The following EHMT1 variants were observed in gnomAD, a reference collection of about 807,000 sequenced individuals.
EHMT1 encodes euchromatic histone lysine methyltransferase 1, also known as histone-lysine N-methyltransferase EHMT1.
A neutral mutation model predicts 147.2 loss-of-function variants in EHMT1; 15 were observed. The ratio of observed to expected loss-of-function variants is 0.10; its 90% confidence interval spans 0.07 to 0.16. EHMT1 has a LOEUF of 0.16. Among genes scored for constraint, EHMT1 ranks in the 10% least tolerant of loss-of-function variants. The probability of loss-of-function intolerance (pLI) is 1.00; values close to 1 mark genes in which losing one functional copy is unlikely to be tolerated. For missense variants in EHMT1, 1,587 were observed against 1,772.4 expected (o/e 0.90, Z 1.88); for synonymous variants, 795 against 709.6 (o/e 1.12, Z -1.91).
At chr9:137,668,470 CACCA>C (rs1487070341) in intron 1 of EHMT1, among the ~76,000 whole-genome samples, 4 of 152,178 alleles carry the variant, frequency 2.6e-5, no homozygotes, top group Admixed American at 6.5e-5. Context: ...TCCATCTATT[CACCA>C]ACCATCACAT....
chr9:137,644,246 G>A (rs1285879433), intron 1 of EHMT1, among the ~76,000 whole-genome samples: 1 of 152,180 alleles, frequency 6.6e-6, no homozygotes, highest in Non-Finnish European at 1.5e-5. Flanking sequence ...GTAAACAAGT[G>A]GGGGTGGTTG....
chr9:137,648,758 G>A (rs889674646), intron 1 of EHMT1, among the ~76,000 whole-genome samples: 3 of 152,274 alleles, frequency 2.0e-5, no homozygotes, highest in East Asian at 3.9e-4. Flanking sequence ...ATGCCAACAA[G>A]GAATCATTCT....
intron 6 of EHMT1, among the ~76,000 whole-genome samples, chr9:137,749,333 C>A (rs962183528): frequency 5.3e-5 from 8 of 152,096 alleles, no homozygotes; most frequent in Admixed American, 3.9e-4. Flanking sequence ...AGTGCAGTGG[C>A]AAATCATAGT....
At position 137,828,771 on chromosome 9, in the gene EHMT1, A is replaced by C. The variant is rs1955995394; in HGVS notation, c.3541-5578A>C. Among the ~76,000 whole-genome samples the C allele has an allele frequency of 1.3e-5, 2 of 152,162 alleles. No individual in the cohort carries two copies. The highest frequency in any genetic ancestry group is 4.1e-4 in the South Asian group (2 of 4,832). ...CCACAAAAATGAGAAGACCAGGAATAGCAAGTCCCCAGCCCTGGGGCCTCA... is the reference window on the plus strand; with the variant it reads ...CCACAAAAATGAGAAGACCAGGAATCGCAAGTCCCCAGCCCTGGGGCCTCA... On this transcript the variant is annotated intron_variant, in intron 25 of 26. Transcript: ENST00000460843. This position sits in a 1 kb window ranked among gnomAD's most constrained non-coding sequence, Gnocchi z 5.3.
intron 3 of EHMT1, among the ~76,000 whole-genome samples, chr9:137,726,743 A>G (rs1946671231): frequency 1.3e-5 from 2 of 152,062 alleles, no homozygotes; most frequent in Admixed American, 6.5e-5. Flanking sequence ...AAGGGTTCCC[A>G]TTTCTCCAGT....
At chr9:137,743,266 A>G (rs1948261171) in intron 4 of EHMT1, 105 bp from the exon 5 acceptor site, 1 of 1,446,308 alleles carries the variant, frequency 6.9e-7, no homozygotes, top group South Asian at 1.3e-5. Context: ...TTTGCTGGTG[A>G]TTTTGGTGAT....
intron 17 of EHMT1, among the ~76,000 whole-genome samples, chr9:137,799,340 T>TA (rs895425057): frequency 6.6e-6 from 1 of 152,166 alleles, no homozygotes; most frequent in African/African-American, 2.4e-5. Flanking sequence ...GTCTAGGTAT[T>TA]ACCATTTGAG....
chr9:137,803,797 G>A (rs983412167), intron 18 of EHMT1, among the ~76,000 whole-genome samples: 1 of 150,142 alleles, frequency 6.7e-6, no homozygotes, highest in Admixed American at 6.6e-5. Context: ...GCTGCAGTAA[G>A]CTGAGATCGC....
intron 2 of EHMT1, chr9:137,715,465 A>C: frequency 4.4e-6 from 4 of 902,020 alleles, no homozygotes; most frequent in Non-Finnish European, 5.3e-6. Context: ...GTGGAAGGAC[A>C]GACGGCCAGC....
intron 1 of EHMT1, among the ~76,000 whole-genome samples, chr9:137,668,921 C>G (rs1163232974): frequency 6.6e-6 from 1 of 152,180 alleles, no homozygotes; most frequent in Admixed American, 6.5e-5. Context: ...GAGTCTCGCT[C>G]TGTCCCCCAG....
At chr9:137,689,520 T>C (rs1056144150) in intron 1 of EHMT1, among the ~76,000 whole-genome samples, 1 of 152,170 alleles carries the variant, frequency 6.6e-6, no homozygotes, top group African/African-American at 2.4e-5. Context: ...CTGGCCAACA[T>C]GGTGAAACCC....
intron 1 of EHMT1, among the ~76,000 whole-genome samples, chr9:137,633,932 G>C (rs1843795955): frequency 6.6e-6 from 1 of 151,444 alleles, no homozygotes; most frequent in Non-Finnish European, 1.5e-5. Flanking sequence ...CCCTGCCTCA[G>C]CCTCCTGAGA....
intron 16 of EHMT1, among the ~76,000 whole-genome samples, chr9:137,798,504 C>T (rs533872831): frequency 3.3e-5 from 5 of 152,290 alleles, no homozygotes; most frequent in East Asian, 1.9e-4. Flanking sequence ...GTGGGCCTGG[C>T]GCTCTTTGTG....
At position 137,787,763 on chromosome 9, in the gene EHMT1, C is replaced by A. The variant is rs1428393218; in HGVS notation, c.2383-3085C>A. 2.5e-6 allele frequency: 2 copies of A among 815,968 alleles called. No homozygotes were observed. Among genetic ancestry groups the A allele is most frequent in the East Asian group, 2.4e-5 (1 of 41,254 alleles). 50.5% of individuals were successfully genotyped at this position (815,968 alleles called of 1,614,324 possible). A position where few individuals can be genotyped will look rare whatever the true frequency, so the allele number is the denominator to read the frequency against. ...GTAGATGCTTTTGTTGGGTGACACA[C>A]CCTGGAAGAGGGCGTCTAGATCCCA... is the stretch of plus-strand genomic sequence containing the variant. On this transcript the variant is annotated intron_variant, in intron 15 of 26. Coordinates refer to ENST00000460843, the MANE Select transcript of EHMT1 (RefSeq NM_024757.5). The surrounding 1 kb of genome is among the most constrained non-coding windows in gnomAD (Gnocchi z 4.2).
chr9:137,772,694 G>A (rs1238407428), intron 10 of EHMT1, among the ~76,000 whole-genome samples: 1 of 152,220 alleles, frequency 6.6e-6, no homozygotes, highest in African/African-American at 2.4e-5. Flanking sequence ...ACCTCCCTGT[G>A]GTGGGCTCCT....
chr9:137,665,896 T>C (rs1939593196), intron 1 of EHMT1: 1 of 152,212 alleles, frequency 6.6e-6, no homozygotes, highest in South Asian at 2.1e-4. Context: ...AGCCTCCATT[T>C]CGTGAGATGG....
Position 137,649,859 on chromosome 9 carries a change from T to G in EHMT1, c.21+30810T>G, listed in dbSNP as rs558744055. ...CGAAAAGATAAAAATAAATTTAGGT[T>G]GTTTTAAGTTAACCAATTTATGATA... On this transcript the variant is annotated intron_variant, in intron 1 of 26. Coordinates refer to ENST00000460843, the MANE Select transcript of EHMT1 (RefSeq NM_024757.5). 1.9e-3 allele frequency among the ~76,000 whole-genome samples: 287 copies of G among 152,352 alleles called. 1 individual carries two copies. The highest frequency in any genetic ancestry group is 3.4e-3 in the Non-Finnish European group (228 of 68,036).
At position 137,835,037 on chromosome 9, in the gene EHMT1, A is replaced by C; in HGVS notation, c.*84A>C. On this transcript the variant is annotated 3_prime_UTR_variant, in exon 27 of 27. Transcript: ENST00000460843. ...GACGAGGAGGAGAGATTCCGCACGC[A>C]ACCGAAAGGGTCCTTCGGGGCTGCG... 1 of 1,323,556 alleles carries C rather than the reference A, an allele frequency of 7.6e-7. No homozygotes were observed. The highest frequency in any genetic ancestry group is 1.8e-5 in the South Asian group (1 of 56,002). The allele number at this position is 1,323,556 out of a possible 1,614,324, so 82.0% of individuals were successfully genotyped here.
In EHMT1 at chr9:137,641,042, A is replaced by G. The variant is rs182689522; in HGVS notation, c.21+21993A>G. ...ATCCCGTTCCTCATCAGTGTCTTCCAGTTCCTCCTCCTCATCATCTTCGTC... is the reference window on the plus strand; with the variant it reads ...ATCCCGTTCCTCATCAGTGTCTTCCGGTTCCTCCTCCTCATCATCTTCGTC... On this transcript the variant is annotated intron_variant, in intron 1 of 26. Coordinates refer to ENST00000460843, the MANE Select transcript of EHMT1 (RefSeq NM_024757.5). 2.3e-4 allele frequency: 54 copies of G among 234,392 alleles called. 1 individual carries two copies. The highest frequency in any genetic ancestry group is 1.1e-3 in the African/African-American group (48 of 43,024). The allele number at this position is 234,392 out of a possible 1,614,324, so 14.5% of individuals were successfully genotyped here. A position where few individuals can be genotyped will look rare whatever the true frequency, so the allele number is the denominator to read the frequency against.
Sources: allele counts gnomAD v4.1 joint callset (sites outside exome capture counted in the v4.1 genomes callset), GRCh38; gene constraint gnomAD v4.1.1; non-coding constraint Gnocchi (gnomAD v3.1); transcripts MANE v1.5; gene names NCBI Gene and HGNC (gene_info 2026-07-23, HGNC 2026-07-21).